NELL1: variants seen among roughly 807,000 people sequenced by gnomAD.
The protein encoded by NELL1 is protein kinase C-binding protein NELL1.
NELL1 carries 76 observed loss-of-function variants against 107.4 expected under a neutral mutation model. That is an observed-to-expected ratio of 0.71 (90% confidence interval 0.59 to 0.86). The LOEUF is 0.86. Ranked by LOEUF, NELL1 falls within the 40% of genes least tolerant of loss-of-function variation. NELL1 has a pLI of 0.00. For synonymous variants in NELL1, 353 were observed against 341.2 expected (o/e 1.03, Z -0.38); for missense variants, 1,024 against 1,005.5 (o/e 1.02, Z -0.25).
chr11:21,519,179 G>T (rs534839591), intron 15 of NELL1, among the ~76,000 whole-genome samples: 9 of 152,298 alleles, frequency 5.9e-5, no homozygotes, highest in Middle Eastern at 3.4e-3. Context: ...ATCTCCAGCA[G>T]ACTTCTCCTT....
At chr11:21,381,179 G>T (rs1361282928) in intron 15 of NELL1, among the ~76,000 whole-genome samples, 1 of 151,958 alleles carries the variant, frequency 6.6e-6, no homozygotes, top group Non-Finnish European at 1.5e-5. Flanking sequence ...TATACAGGAG[G>T]TAAAGTAAAT....
At chr11:21,068,572 A>C (rs1296515306) in intron 12 of NELL1, among the ~76,000 whole-genome samples, 2 of 152,230 alleles carry the variant, frequency 1.3e-5, no homozygotes, top group Non-Finnish European at 2.9e-5. Flanking sequence ...TTGCCCTTCA[A>C]CACACACATA....
rs1591007787 is a variant in NELL1, at chr11:21,527,364, G to A, written c.1646-7010G>A. The stretch of plus-strand genomic sequence containing the variant: ...GTCTTCTGAGCATCCCGAGTCTCTA[G>A]AAAGTTCCAAACTTTCCCACATTTT... On this transcript the variant is annotated intron_variant, in intron 15 of 19. Coordinates refer to ENST00000357134, the MANE Select transcript of NELL1 (RefSeq NM_006157.5). Among the ~76,000 whole-genome samples the A allele has an allele frequency of 2.0e-5, 3 of 152,094 alleles. No homozygotes were observed. The South Asian group carries it at 6.2e-4, about 32-fold the overall frequency.
intron 13 of NELL1, among the ~76,000 whole-genome samples, chr11:21,206,751 T>C (rs1857398015): frequency 6.6e-6 from 1 of 152,212 alleles, no homozygotes; most frequent in Admixed American, 6.5e-5. Flanking sequence ...GTCCCTCATC[T>C]TATTTCAGAA....
intron 14 of NELL1, among the ~76,000 whole-genome samples, chr11:21,363,920 A>C (rs1351023048): frequency 1.3e-5 from 2 of 152,164 alleles, no homozygotes; most frequent in African/African-American, 4.8e-5. Flanking sequence ...TCCTCAACCC[A>C]TGCCTCTCCC....
chr11:21,030,622 A>ATTTTTTTTTTTTTTTTTTTTTTTT (rs201033870), intron 12 of NELL1, among the ~76,000 whole-genome samples: 5 of 120,122 alleles, frequency 4.2e-5, no homozygotes, highest in African/African-American at 5.8e-5. Flanking sequence ...ATTTTCTTGT[A>ATTTTTTTTTTTTTTTTTTTTTTTT]TTTTTTTTTT....
chr11:21,312,604 A>G (rs887896048), intron 14 of NELL1, among the ~76,000 whole-genome samples: 9 of 152,104 alleles, frequency 5.9e-5, no homozygotes, highest in Non-Finnish European at 8.8e-5. Context: ...AGACTAGCAC[A>G]CAGAAGGTTA....
intron 4 of NELL1, among the ~76,000 whole-genome samples, chr11:20,875,665 T>G (rs7950875): frequency 6.6e-6 from 1 of 152,158 alleles, no homozygotes; most frequent in Non-Finnish European, 1.5e-5. Context: ...GTGAGGACAG[T>G]CTTATATGAT....
intron 13 of NELL1, among the ~76,000 whole-genome samples, chr11:21,159,971 C>T (rs150872680): frequency 1.5e-3 from 236 of 152,280 alleles, no homozygotes; most frequent in African/African-American, 5.3e-3. Flanking sequence ...CCAGAATGTC[C>T]GTTCGTGATT....
chr11:20,722,019 C>CTTTTTTT (rs34558225), intron 2 of NELL1, among the ~76,000 whole-genome samples: 1 of 26,016 alleles, frequency 3.8e-5, no homozygotes, highest in African/African-American at 5.8e-5. Flanking sequence ...CTGAGTCTCT[C>CTTTTTTT]TTTTTTTTTT....
chr11:21,449,830 G>C (rs1853533862), intron 15 of NELL1, among the ~76,000 whole-genome samples: 2 of 152,138 alleles, frequency 1.3e-5, no homozygotes, highest in Admixed American at 6.5e-5. Flanking sequence ...CTATTGAACT[G>C]CCTTTGCACC....
intron 2 of NELL1, among the ~76,000 whole-genome samples, chr11:20,703,870 A>C (rs1793018): frequency 0.19 from 29,463 of 152,018 alleles, 3,108 homozygotes; most frequent in African/African-American, 0.25. Context: ...TCTGAGAGAC[A>C]GTGTGTTATA....
At chr11:21,456,663 TGCTA>T (rs1853748703) in intron 15 of NELL1, among the ~76,000 whole-genome samples, 1 of 152,170 alleles carries the variant, frequency 6.6e-6, no homozygotes, top group Non-Finnish European at 1.5e-5. Flanking sequence ...GAATCTATTA[TGCTA>T]GGCTTTAAAG....
chr11:20,767,955 GGAGAGAGAAAGA>G (rs1453103185), intron 2 of NELL1, among the ~76,000 whole-genome samples: 1 of 152,098 alleles, frequency 6.6e-6, no homozygotes, highest in Non-Finnish European at 1.5e-5. Flanking sequence ...GAGCTATACT[GGAGAGAGAAAGA>G]GAGAGAGAGA....
chr11:20,901,574 T>TTC (rs1554941224), intron 5 of NELL1, among the ~76,000 whole-genome samples: 1 of 151,482 alleles, frequency 6.6e-6, no homozygotes, highest in Non-Finnish European at 1.5e-5. Context: ...TTTTTTTTTT[T>TTC]CCTGATGGAC....
chr11:21,196,695 A>G (rs1383988175), intron 13 of NELL1, among the ~76,000 whole-genome samples: 3 of 151,802 alleles, frequency 2.0e-5, no homozygotes, highest in Non-Finnish European at 4.4e-5. Flanking sequence ...GTTACTTTAC[A>G]TATTTATTTA....
chr11:20,887,190 A>C (rs1849526998), intron 5 of NELL1, among the ~76,000 whole-genome samples: 1 of 152,222 alleles, frequency 6.6e-6, no homozygotes, highest in African/African-American at 2.4e-5. Flanking sequence ...ATTGCTGAGT[A>C]GTATTCCAGT....
chr11:21,367,409 A>G (rs1352644909), intron 14 of NELL1, among the ~76,000 whole-genome samples: 1 of 151,748 alleles, frequency 6.6e-6, no homozygotes, highest in African/African-American at 2.4e-5. Context: ...CAAAGGAGCT[A>G]TGATTCTAAG....
intron 15 of NELL1, among the ~76,000 whole-genome samples, chr11:21,374,473 G>C (rs897473101): frequency 6.6e-6 from 1 of 152,012 alleles, no homozygotes; most frequent in South Asian, 2.1e-4. Flanking sequence ...ATGAGAAAGA[G>C]AGTGAAAGCA....
Sources: allele counts gnomAD v4.1 joint callset (sites outside exome capture counted in the v4.1 genomes callset), GRCh38; gene constraint gnomAD v4.1.1; transcripts MANE v1.5; gene names NCBI Gene and HGNC (gene_info 2026-07-23, HGNC 2026-07-21).